Variants in EPB41L5 observed in about 807,000 individuals in gnomAD.
EPB41L5 encodes the protein band 4.1-like protein 5.
Under a neutral mutation model 106.6 loss-of-function variants are expected in EPB41L5, and 55 were observed. That is an observed-to-expected ratio of 0.52 (90% CI 0.42 to 0.65). The LOEUF (loss-of-function observed/expected upper bound fraction) is 0.65, where lower values mean the gene tolerates loss of function less well. EPB41L5 is among the 30% of genes least tolerant of loss of function. The pLI, the probability that EPB41L5 is intolerant of heterozygous loss-of-function variation, is 0.00. For missense variants in EPB41L5, 871 were observed against 882.1 expected (o/e 0.99, Z 0.16); for synonymous variants, 297 against 306.7 (o/e 0.97, Z 0.33).
At chr2:120,095,487 G>A (rs942499715) in intron 14 of EPB41L5, among the ~76,000 whole-genome samples, 1 of 149,410 alleles carries the variant, frequency 6.7e-6, no homozygotes, top group East Asian at 1.9e-4. Flanking sequence ...GAGTCTGTTC[G>A]CTTCTCTTTA....
intron 14 of EPB41L5, among the ~76,000 whole-genome samples, chr2:120,098,156 T>TTTTGTGTGTGTGTGTG (rs1553506368): frequency 1.5e-5 from 2 of 133,670 alleles, no homozygotes; most frequent in African/African-American, 5.7e-5. Context: ...ATTGTTTGTT[T>TTTTGTGTGTGTGTGTG]TGTGTGTGTG....
intron 2 of EPB41L5, among the ~76,000 whole-genome samples, chr2:120,021,268 A>G (rs7584239): frequency 0.68 from 102,702 of 151,534 alleles, 36,246 homozygotes; most frequent in Non-Finnish European, 0.78. Context: ...TGAACCTGGG[A>G]GGTGGAGATT....
chr2:120,039,363 C>G (rs1219161422), intron 2 of EPB41L5, among the ~76,000 whole-genome samples: 1 of 151,908 alleles, frequency 6.6e-6, no homozygotes, highest in Non-Finnish European at 1.5e-5. Context: ...ATAGTGGTGA[C>G]AGTTGTACAA....
At chr2:120,143,265 A>C in intron 19 of EPB41L5, 134 bp downstream of exon 19, 3 of 1,052,836 alleles carry the variant, frequency 2.8e-6, no homozygotes, top group South Asian at 2.0e-5. Context: ...AAGAGTAAAG[A>C]TGCTCAGGGG....
chr2:120,142,130 AAAAAC>A, intron 18 of EPB41L5, among the ~76,000 whole-genome samples: 2 of 149,294 alleles, frequency 1.3e-5, no homozygotes, highest in African/African-American at 4.9e-5. Context: ...AAAAAAAAAA[AAAAAC>A]AAGGTAAAAT....
chr2:120,048,459 A>T (rs1039428320), intron 3 of EPB41L5, among the ~76,000 whole-genome samples: 26 of 152,054 alleles, frequency 1.7e-4, no homozygotes, highest in Admixed American at 3.9e-4. Flanking sequence ...AGGTGTTTAT[A>T]GTATTCTCTG....
At chr2:120,126,816 C>T (rs1685475976) in intron 16 of EPB41L5, among the ~76,000 whole-genome samples, 1 of 152,166 alleles carries the variant, frequency 6.6e-6, no homozygotes, top group Non-Finnish European at 1.5e-5. Flanking sequence ...AAAAAAAATC[C>T]TGCTGGGATT....
intron 10 of EPB41L5, among the ~76,000 whole-genome samples, chr2:120,080,145 C>A (rs1014776246): frequency 3.3e-5 from 5 of 149,764 alleles, no homozygotes; most frequent in African/African-American, 1.2e-4. Context: ...TTCTAGGGTA[C>A]ATGTGCAAAG....
At chr2:120,155,640 CTTGA>C (rs1196856221) in intron 20 of EPB41L5, among the ~76,000 whole-genome samples, 2 of 152,202 alleles carry the variant, frequency 1.3e-5, no homozygotes, top group East Asian at 1.9e-4. Flanking sequence ...TATTAATATG[CTTGA>C]TTATGTCCCA....
chr2:120,037,664 A>G (rs968095901), intron 2 of EPB41L5, among the ~76,000 whole-genome samples: 2 of 152,176 alleles, frequency 1.3e-5, no homozygotes, highest in Non-Finnish European at 2.9e-5. Flanking sequence ...AAAAGAAAAA[A>G]AAAAGCAGTG....
At chr2:120,124,235 T>C (rs1394767908) in intron 16 of EPB41L5, among the ~76,000 whole-genome samples, 1 of 152,198 alleles carries the variant, frequency 6.6e-6, no homozygotes, top group Non-Finnish European at 1.5e-5. Context: ...CTGGCTCAGC[T>C]CCTGCCCACA....
chr2:120,168,859 T>C (rs1253508696), intron 24 of EPB41L5, among the ~76,000 whole-genome samples: 1 of 152,216 alleles, frequency 6.6e-6, no homozygotes, highest in Non-Finnish European at 1.5e-5. Context: ...ACAAGACAGA[T>C]GAGAGACCTA....
At chr2:120,027,474 G>A (rs1381047462) in intron 2 of EPB41L5, among the ~76,000 whole-genome samples, 2 of 152,234 alleles carry the variant, frequency 1.3e-5, no homozygotes, top group East Asian at 3.8e-4. Context: ...TCCAGAAGAG[G>A]GAGATCTGTA....
intron 2 of EPB41L5, among the ~76,000 whole-genome samples, chr2:120,033,334 A>T (rs1007648469): frequency 1.3e-5 from 2 of 152,186 alleles, no homozygotes; most frequent in African/African-American, 4.8e-5. Context: ...TTTTTTAAAA[A>T]TTACATGCTA....
At chr2:120,075,341 C>T (rs1682156343) in intron 5 of EPB41L5, 135 bp from the exon 6 acceptor site, 1 of 704,838 alleles carries the variant, frequency 1.4e-6, no homozygotes, top group Non-Finnish European at 2.4e-6. Context: ...CATGTATCCC[C>T]AAACTATGCA....
intron 24 of EPB41L5, among the ~76,000 whole-genome samples, chr2:120,168,684 G>A (rs192009929): frequency 5.0e-4 from 76 of 152,238 alleles, no homozygotes; most frequent in African/African-American, 1.3e-3. Flanking sequence ...ATTAGAGAAA[G>A]GTAGGATGAA....
At chr2:120,040,555 C>G (rs1269809606) in intron 2 of EPB41L5, among the ~76,000 whole-genome samples, 3 of 152,176 alleles carry the variant, frequency 2.0e-5, no homozygotes, top group African/African-American at 4.8e-5. Context: ...ACATGGGAAA[C>G]ATTTTTGGAG....
Position 120,138,097 on chromosome 2 carries a change from G to A in EPB41L5, c.1600-4906G>A, listed in dbSNP as rs186136824. Among the ~76,000 whole-genome samples, 5 of 151,792 alleles carry A rather than the reference G, an allele frequency of 3.3e-5. No individual in the cohort carries two copies. In the East Asian group the frequency reaches 9.7e-4, roughly 29 times the overall value. ...GATACATTATATCAGCAGAATGAAG[G>A]ACAAAAACCATATGATCATTTCAAT... On this transcript the variant is annotated intron_variant, in intron 18 of 24. Coordinates refer to ENST00000263713, the MANE Select transcript of EPB41L5 (RefSeq NM_020909.4).
chr2:120,019,370 A>G (rs1473496053), intron 2 of EPB41L5, 106 bp downstream of exon 2: 4 of 1,059,374 alleles, frequency 3.8e-6, no homozygotes, highest in Non-Finnish European at 4.1e-6. Context: ...AAGTAAAGGT[A>G]TTATGGGTTA....
Sources: gnomAD v4.1 joint callset for allele counts (sites outside exome capture counted in the v4.1 genomes callset) on GRCh38, gnomAD v4.1.1 for gene constraint, MANE v1.5 for transcripts, NCBI Gene and HGNC (gene_info 2026-07-23, HGNC 2026-07-21) for gene names.